The following GCN1 variants were observed in gnomAD, a reference collection of about 807,000 sequenced individuals.
GCN1 encodes the protein GCN1 activator of EIF2AK4.
GCN1 carries 90 observed loss-of-function variants against 288.4 expected under a neutral mutation model. The observed-to-expected ratio is 0.31, with a 90% CI of 0.26 to 0.37. The LOEUF is 0.37. Ranked by LOEUF, GCN1 falls within the 10% of genes least tolerant of loss-of-function variation. The probability of loss-of-function intolerance (pLI) is 1.00; values close to 1 mark genes in which losing one functional copy is unlikely to be tolerated. For missense variants in GCN1, 2,586 were observed against 3,419.9 expected (o/e 0.76, Z 6.08); for synonymous variants, 1,386 against 1,420.2 (o/e 0.98, Z 0.54).
chr12:120,185,432 T>C (rs963891126), intron 2 of GCN1, among the ~76,000 whole-genome samples: 7 of 152,102 alleles, frequency 4.6e-5, no homozygotes. Flanking sequence ...GAGATACATG[T>C]AGAGTGCAGG....
At position 120,136,486 on chromosome 12, in the gene GCN1, C is replaced by T; in HGVS notation, c.7008+16G>A. ...ACCTGTTCTCTAAGATCTGAACAAA[C>T]TCATCAGCCACTCACCTTAGCCAAC... On this transcript the variant is annotated intron_variant, in intron 51 of 57. Transcript: ENST00000300648. The T allele has an allele frequency of 2.5e-6, 4 of 1,589,056 alleles. No individual in the cohort carries two copies. Among genetic ancestry groups the T allele is most frequent in the South Asian group, 2.2e-5 (2 of 90,524 alleles).
rs1361290692 is a variant in GCN1, at chr12:120,181,001, A to AG, written c.427-2052_427-2051insC. On this transcript the variant is annotated intron_variant, in intron 5 of 57. Transcript: ENST00000300648. ...AGCGAGACTCCGTCTCAAAAAAAAA[A>AG]AAAAGAAAAAGAAAAAGCAAGCAAG... is the stretch of plus-strand genomic sequence containing the variant. Among the ~76,000 whole-genome samples, 530 of 152,148 alleles carry AG rather than the reference A, an allele frequency of 3.5e-3. 2 individuals carry two copies. The highest frequency in any genetic ancestry group is 0.012 in the African/African-American group (514 of 41,500).
At position 120,160,122 on chromosome 12, in the gene GCN1, T is replaced by C; in HGVS notation, c.2550+20A>G. ...CCAGCACTCTTCCGGCTTGAGCATG[T>C]GGCGGAGGTGGCCACTCACCTCCTG... On this transcript the variant is annotated intron_variant, in intron 23 of 57. Coordinates refer to ENST00000300648, the MANE Select transcript of GCN1 (RefSeq NM_006836.2). 1 of 1,596,964 alleles carries C rather than the reference T, an allele frequency of 6.3e-7. No homozygotes were observed. The highest frequency in any genetic ancestry group is 8.6e-7 in the Non-Finnish European group (1 of 1,164,926).
In GCN1 at chr12:120,127,673, A is replaced by C. The variant is rs1261275010; in HGVS notation, c.*176T>G. ...CACAGGAAAAGGTGAGAGATGGAGG[A>C]GGCAATTTTCAGTTGTGTGTGGGTT... On this transcript the variant is annotated 3_prime_UTR_variant, in exon 58 of 58. Transcript: ENST00000300648. 2 of 708,658 alleles carry C rather than the reference A, an allele frequency of 2.8e-6. No individual in the cohort carries two copies. Among genetic ancestry groups the C allele is most frequent in the East Asian group, 2.6e-5 (1 of 38,784 alleles). 43.9% of individuals were successfully genotyped at this position (708,658 alleles called of 1,614,324 possible).
At chr12:120,152,634 C>T (rs1338591361) in intron 33 of GCN1, among the ~76,000 whole-genome samples, 2 of 129,780 alleles carry the variant, frequency 1.5e-5, no homozygotes, top group African/African-American at 6.1e-5. Flanking sequence ...CACACACACA[C>T]GCGCACACAC....
intron 18 of GCN1, among the ~76,000 whole-genome samples, chr12:120,164,030 G>T (rs898350027): frequency 3.3e-5 from 5 of 152,214 alleles, no homozygotes; most frequent in Non-Finnish European, 7.3e-5. Flanking sequence ...CAACTTGGGA[G>T]GCTGAGGTGG....
Position 120,155,801 on chromosome 12 carries a change from G to A in GCN1, c.3313-82C>T. 2 of 1,424,924 alleles carry A rather than the reference G, an allele frequency of 1.4e-6. No individual in the cohort carries two copies. The highest frequency in any genetic ancestry group is 2.3e-5 in the East Asian group (1 of 43,868). 88.3% of individuals were successfully genotyped at this position (1,424,924 alleles called of 1,614,324 possible). A position where few individuals can be genotyped will look rare whatever the true frequency, so the allele number is the denominator to read the frequency against. On this transcript the variant is annotated intron_variant, in intron 28 of 57. Transcript: ENST00000300648. The surrounding 1 kb of genome is among the most constrained non-coding windows in gnomAD (Gnocchi z 4.9). Reference sequence around the variant, plus strand: ...CTGCCTCCTCACCTCTCTCTAGGTTGTACTGTCCAAGATGTAGCCACTAAC... The same window carrying A: ...CTGCCTCCTCACCTCTCTCTAGGTTATACTGTCCAAGATGTAGCCACTAAC...
intron 22 of GCN1, among the ~76,000 whole-genome samples, 171 bp downstream of exon 22, chr12:120,161,319 G>A (rs1431448283): frequency 1.3e-5 from 2 of 152,188 alleles, no homozygotes; most frequent in Non-Finnish European, 2.9e-5. Context: ...TATGAAGCAA[G>A]GGTGAAGGGA....
chr12:120,158,089 T>G lies in GCN1; in HGVS notation c.2906-59A>C. 1 of 1,529,700 alleles carries G rather than the reference T, an allele frequency of 6.5e-7. No individual in the cohort carries two copies. The highest frequency in any genetic ancestry group is 1.4e-5 in the African/African-American group (1 of 73,472). The allele number at this position is 1,529,700 out of a possible 1,614,324, so 94.8% of individuals were successfully genotyped here. ...GCAGGGCAGGGACCCGGGCCACTGC[T>G]GCCTATTTCTATCCTCAGGGAAAGT... On this transcript the variant is annotated intron_variant, in intron 25 of 57. Coordinates refer to ENST00000300648, the MANE Select transcript of GCN1 (RefSeq NM_006836.2). The surrounding 1 kb of genome is among the most constrained non-coding windows in gnomAD (Gnocchi z 4.3).
At chr12:120,192,570 A>G (rs1173211785) in intron 1 of GCN1, among the ~76,000 whole-genome samples, 1 of 151,556 alleles carries the variant, frequency 6.6e-6, no homozygotes. Flanking sequence ...TACTAAAAAT[A>G]CAAAAAAAAA....
chr12:120,140,038 A>G (rs898758008), intron 45 of GCN1, among the ~76,000 whole-genome samples: 73 of 152,356 alleles, frequency 4.8e-4, no homozygotes, highest in African/African-American at 1.7e-3. Context: ...TACCTCTCCA[A>G]TGAATCACAA....
chr12:120,193,308 A>G (rs1594294349), intron 1 of GCN1, among the ~76,000 whole-genome samples: 1 of 147,350 alleles, frequency 6.8e-6, no homozygotes, highest in East Asian at 2.0e-4. Context: ...GAAGAACTAA[A>G]TTTTTTTTTT....
rs537562604 is a variant in GCN1, at chr12:120,143,695, G to A, written c.5495+611C>T. ...GCAACAAACATCCTTATGTCTAACA[G>A]CTTTAAGCACTTGACCATTCCCTAC... On this transcript the variant is annotated intron_variant, in intron 42 of 57. Transcript: ENST00000300648. Among the ~76,000 whole-genome samples the A allele has an allele frequency of 2.0e-5, 3 of 151,982 alleles. No individual in the cohort carries two copies. The South Asian group carries it at 6.2e-4, about 32-fold the overall frequency.
Position 120,134,555 on chromosome 12 carries a change from C to G in GCN1, c.7180G>C (p.Ala2394Pro). The G allele has an allele frequency of 6.2e-7, 1 of 1,614,104 alleles. No individual in the cohort carries two copies. The highest frequency in any genetic ancestry group is 8.5e-7 in the Non-Finnish European group (1 of 1,179,946). Residue 2394 changes from alanine to proline, a missense_variant, in exon 52 of 58, where the codon GCC (alanine) becomes CCC (proline). This residue lies in a region of GCN1 where 355 missense variants were observed against 431.1 expected (regional missense o/e 0.82). Transcript: ENST00000300648. This position sits in a 1 kb window ranked among gnomAD's most constrained non-coding sequence, Gnocchi z 5.0. ...TACCTGACACCTGGGTCCTCCATGG[C>G]GCGGATGCCATTGAGCAGCTCTGTG... is the stretch of plus-strand genomic sequence containing the variant. Reference protein sequence around the residue: ...LFTELLNGIRAMEDPGVRDTM... With the variant: ...LFTELLNGIRPMEDPGVRDTM...
chr12:120,164,186 T>C (rs1355467894), intron 18 of GCN1, 150 bp downstream of exon 18: 3 of 644,506 alleles, frequency 4.7e-6, no homozygotes, highest in Non-Finnish European at 8.2e-6. Context: ...TGAAAGATGT[T>C]ACTGGAGCTT....
chr12:120,177,701 G>A lies in GCN1; in HGVS notation c.712C>T (p.Pro238Ser), dbSNP rs141984580. ...MKNILMSKVK[P>S]PKYLLDSCAP... is the part of the protein sequence containing the mutation. Reference sequence around the variant, plus strand: ...TCGCTCACCAACAGGTACTTCGGAGGCTTGACTTTGCTCATCAGGATGTTC... The same window carrying A: ...TCGCTCACCAACAGGTACTTCGGAGACTTGACTTTGCTCATCAGGATGTTC... Residue 238 changes from proline (P) to serine (S), a missense_variant, in exon 8 of 58, where the codon CCT (proline) becomes TCT (serine). Pro to Ser is a moderately conservative substitution (Grantham distance 74, BLOSUM62 -1). This residue lies in a region of GCN1 where 913 missense variants were observed against 1,107.0 expected (regional missense o/e 0.82). Transcript: ENST00000300648. 2.4e-4 allele frequency: 383 copies of A among 1,612,996 alleles called. 1 individual carries two copies. The highest frequency in any genetic ancestry group is 3.0e-4 in the Non-Finnish European group (358 of 1,179,064).
rs776336335 is a variant in GCN1, at chr12:120,149,952, G to A, written c.4401C>T (p.Cys1467=). The A allele has an allele frequency of 1.2e-6, 2 of 1,614,124 alleles. No homozygotes were observed. Reference sequence around the variant, plus strand: ...GCACATACTGGTTTCCATCCCCAAAGCACAGGAGCAGATGGGGCAGCACGT... The same window carrying A: ...GCACATACTGGTTTCCATCCCCAAAACACAGGAGCAGATGGGGCAGCACGT... ...VVHVLPHLLL[C]FGDGNQYVRE... The change falls in exon 35 of 58, where the codon TGC becomes TGT. Residue 1467 remains cysteine (C), a synonymous_variant. Coordinates refer to ENST00000300648, the MANE Select transcript of GCN1 (RefSeq NM_006836.2).
rs574790705 is a variant in GCN1 at position 120,127,532 on chromosome 12, G to A, written c.*317C>T. 4.6e-5 allele frequency: 12 copies of A among 262,434 alleles called. No homozygotes were observed. Among genetic ancestry groups the A allele is most frequent in the African/African-American group, 2.6e-4 (12 of 45,614 alleles). The allele number at this position is 262,434 out of a possible 1,614,324, so 16.3% of individuals were successfully genotyped here. A position where few individuals can be genotyped will look rare whatever the true frequency, so the allele number is the denominator to read the frequency against. On this transcript the variant is annotated 3_prime_UTR_variant, in exon 58 of 58. Transcript: ENST00000300648. ...CCAGAGCTCAAGCACAGGAGAAGAGGAACCCACAGTCTGACCCTGCTATTA... is the reference window on the plus strand; with the variant it reads ...CCAGAGCTCAAGCACAGGAGAAGAGAAACCCACAGTCTGACCCTGCTATTA...
intron 2 of GCN1, among the ~76,000 whole-genome samples, chr12:120,186,746 G>A (rs576052278): frequency 1.1e-4 from 17 of 152,212 alleles, no homozygotes; most frequent in Admixed American, 3.9e-4. Flanking sequence ...CACACACTGT[G>A]AGCTTACCAT....
Sources: allele counts gnomAD v4.1 joint callset (sites outside exome capture counted in the v4.1 genomes callset), GRCh38; gene constraint gnomAD v4.1.1; regional missense constraint gnomAD v4.1.1; non-coding constraint Gnocchi (gnomAD v3.1); transcripts MANE v1.5; gene names NCBI Gene and HGNC (gene_info 2026-07-23, HGNC 2026-07-21).